The following B3GALT1 variants were observed in gnomAD, a reference collection of about 807,000 sequenced individuals.
B3GALT1 encodes beta-1,3-galactosyltransferase 1.
Under a neutral mutation model 23.2 loss-of-function variants are expected in B3GALT1, and 10 were observed. The observed-to-expected ratio is 0.43, with a 90% CI of 0.27 to 0.73. B3GALT1 has a LOEUF of 0.73. B3GALT1 is among the 30% of genes least tolerant of loss of function. The pLI, the probability that B3GALT1 is intolerant of heterozygous loss-of-function variation, is 0.21. For synonymous variants in B3GALT1, 156 were observed against 141.5 expected (o/e 1.10, Z -0.73); for missense variants, 299 against 405.4 (o/e 0.74, Z 2.25).
intron 1 of B3GALT1, among the ~76,000 whole-genome samples, chr2:167,306,978 T>A (rs1445755762): frequency 6.6e-6 from 1 of 152,066 alleles, no homozygotes; most frequent in Non-Finnish European, 1.5e-5. Context: ...GCAATTATGA[T>A]CATATTTTGT....
chr2:167,774,071 G>T (rs972793660), intron 3 of B3GALT1, among the ~76,000 whole-genome samples: 1 of 152,158 alleles, frequency 6.6e-6, no homozygotes, highest in African/African-American at 2.4e-5. Flanking sequence ...TAAATGTAAA[G>T]CACGTTTTTT....
At chr2:167,635,149 C>A (rs1685526693) in intron 2 of B3GALT1, among the ~76,000 whole-genome samples, 2 of 151,940 alleles carry the variant, frequency 1.3e-5, no homozygotes, top group Admixed American at 6.6e-5. Flanking sequence ...AAATTCAACA[C>A]CCCCTTTATG....
chr2:167,447,616 G>C (rs897360440), intron 1 of B3GALT1, among the ~76,000 whole-genome samples: 2 of 152,238 alleles, frequency 1.3e-5, no homozygotes, highest in East Asian at 1.9e-4. Flanking sequence ...TCAGACTGCT[G>C]TATTAGCAAT....
At chr2:167,743,224 T>A (rs374905090) in intron 3 of B3GALT1, among the ~76,000 whole-genome samples, 34 of 152,232 alleles carry the variant, frequency 2.2e-4, no homozygotes, top group African/African-American at 7.9e-4. Context: ...CTGGCATGCA[T>A]GAACAAAAGT....
At chr2:167,666,496 G>C (rs540593759) in intron 3 of B3GALT1, among the ~76,000 whole-genome samples, 45 of 151,782 alleles carry the variant, frequency 3.0e-4, no homozygotes, top group Non-Finnish European at 5.0e-4. Flanking sequence ...TTCAATTCCT[G>C]GGTATCCTTG....
intron 1 of B3GALT1, among the ~76,000 whole-genome samples, chr2:167,385,776 A>G (rs1213905990): frequency 1.3e-5 from 2 of 152,288 alleles, no homozygotes; most frequent in East Asian, 3.9e-4. Context: ...CCACTAGCAC[A>G]GGTTTCTATC....
intron 3 of B3GALT1, among the ~76,000 whole-genome samples, chr2:167,694,057 G>C (rs1214484819): frequency 6.6e-6 from 1 of 152,046 alleles, no homozygotes; most frequent in Non-Finnish European, 1.5e-5. Flanking sequence ...ATGGTGACTG[G>C]AGCAGGTTAA....
At chr2:167,626,489 G>A (rs1174407645) in intron 2 of B3GALT1, among the ~76,000 whole-genome samples, 2 of 151,638 alleles carry the variant, frequency 1.3e-5, no homozygotes, top group African/African-American at 4.8e-5. Context: ...AACGTATTTT[G>A]AGGCTGAAAA....
intron 2 of B3GALT1, among the ~76,000 whole-genome samples, chr2:167,622,338 C>T (rs568569571): frequency 9.2e-5 from 14 of 152,122 alleles, no homozygotes; most frequent in East Asian, 3.9e-4. Context: ...GGAAAAAATA[C>T]GTCTCTGAAT....
At chr2:167,574,551 A>C (rs1006557148) in intron 2 of B3GALT1, among the ~76,000 whole-genome samples, 2 of 151,742 alleles carry the variant, frequency 1.3e-5, no homozygotes, top group Non-Finnish European at 3.0e-5. Context: ...GTCACAGGCT[A>C]CAATTTCACT....
intron 1 of B3GALT1, among the ~76,000 whole-genome samples, chr2:167,479,935 G>T (rs13386818): frequency 0.09 from 13,630 of 152,088 alleles, 716 homozygotes; most frequent in African/African-American, 0.15. Flanking sequence ...CACATCATAG[G>T]GATGTGGAAA....
rs35445623 is a variant in B3GALT1 at position 167,501,718 on chromosome 2, C to CAA, written c.-410+11465_-410+11466dup. On this transcript the variant is annotated intron_variant, in intron 2 of 4. Coordinates refer to ENST00000392690, the MANE Select transcript of B3GALT1 (RefSeq NM_020981.4). ...ATGTTAATTCACACATCTACAGTGGCAAAAAAAAAAAAAAAAAAAAAAAAA... is the reference window on the plus strand; with the variant it reads ...ATGTTAATTCACACATCTACAGTGGCAAAAAAAAAAAAAAAAAAAAAAAAAAA... 2.6e-3 allele frequency among the ~76,000 whole-genome samples: 172 copies of CAA among 65,374 alleles called. 1 individual carries two copies. Among genetic ancestry groups the CAA allele is most frequent in the African/African-American group, 3.3e-3 (58 of 17,708 alleles). 42.9% of individuals were successfully genotyped at this position (65,374 alleles called of 152,430 possible).
intron 1 of B3GALT1, among the ~76,000 whole-genome samples, chr2:167,462,168 A>T (rs555409641): frequency 4.6e-5 from 7 of 152,320 alleles, no homozygotes; most frequent in African/African-American, 1.7e-4. Flanking sequence ...GGAGTTAGGC[A>T]GTGATATGTT....
intron 3 of B3GALT1, among the ~76,000 whole-genome samples, chr2:167,810,850 G>A (rs1455474359): frequency 6.6e-6 from 1 of 152,158 alleles, no homozygotes; most frequent in Non-Finnish European, 1.5e-5. Flanking sequence ...TATCTGTCCT[G>A]TTAAAATGTA....
chr2:167,546,416 C>T (rs1683636457), intron 2 of B3GALT1, among the ~76,000 whole-genome samples: 1 of 152,134 alleles, frequency 6.6e-6, no homozygotes, highest in Non-Finnish European at 1.5e-5. Context: ...CTAGTTCTTC[C>T]AGAGTTTGCA....
intron 1 of B3GALT1, among the ~76,000 whole-genome samples, chr2:167,449,885 A>C (rs1699060848): frequency 6.6e-6 from 1 of 152,042 alleles, no homozygotes; most frequent in Admixed American, 6.6e-5. Flanking sequence ...TTTATGTGGT[A>C]TATCATATTT....
intron 2 of B3GALT1, among the ~76,000 whole-genome samples, chr2:167,603,872 AAGTCTTT>A (rs1335266794): frequency 6.6e-6 from 1 of 152,070 alleles, no homozygotes; most frequent in Non-Finnish European, 1.5e-5. Context: ...CTTCAAACTG[AAGTCTTT>A]AAAAGAAAAA....
intron 3 of B3GALT1, chr2:167,715,603 T>C: frequency 6.2e-7 from 1 of 1,613,946 alleles, no homozygotes; most frequent in Admixed American, 1.7e-5. Context: ...TAGATTTCTC[T>C]TCTTTTAACT....
chr2:167,335,998 A>G (rs1294441059), intron 1 of B3GALT1, among the ~76,000 whole-genome samples: 1 of 152,008 alleles, frequency 6.6e-6, no homozygotes, highest in Non-Finnish European at 1.5e-5. Context: ...TGGGAGAATA[A>G]GCAAGTTTTG....
Sources: allele counts gnomAD v4.1 joint callset (sites outside exome capture counted in the v4.1 genomes callset), GRCh38; gene constraint gnomAD v4.1.1; transcripts MANE v1.5; gene names NCBI Gene and HGNC (gene_info 2026-07-23, HGNC 2026-07-21).